The following ZNF442 variants were observed in gnomAD, a reference collection of about 807,000 sequenced individuals.
The protein encoded by ZNF442 is zinc finger protein 442.
A neutral mutation model predicts 57.0 loss-of-function variants in ZNF442; 45 were observed. That is an observed-to-expected ratio of 0.79 (90% CI 0.62 to 1.01). The LOEUF (loss-of-function observed/expected upper bound fraction) is 1.01. Among genes scored for constraint, ZNF442 ranks in the 50% least tolerant of loss-of-function variants. The pLI is 0.00. For synonymous variants in ZNF442, 213 were observed against 241.8 expected (o/e 0.88, Z 1.10); for missense variants, 690 against 756.5 (o/e 0.91, Z 1.03).
upstream of ZNF442, chr19:12,366,021 G>A (rs1402402726): frequency 6.6e-6 from 1 of 152,284 alleles, no homozygotes; most frequent in Non-Finnish European, 1.5e-5. Flanking sequence ...GCCATCCCCT[G>A]GCCTCAGAGC....
chr19:12,362,065 C>T (rs1054338032), intron 3 of ZNF442, among the ~76,000 whole-genome samples: 1 of 152,184 alleles, frequency 6.6e-6, no homozygotes, highest in Non-Finnish European at 1.5e-5. Flanking sequence ...GATCTCGGCT[C>T]GCTACAACCT....
chr19:12,361,656 C>T (rs1260368956), intron 3 of ZNF442, among the ~76,000 whole-genome samples: 1 of 151,548 alleles, frequency 6.6e-6, no homozygotes, highest in African/African-American at 2.4e-5. Flanking sequence ...TTTGTTTCTA[C>T]AAAAATTGGA....
chr19:12,373,261 C>T, the ZNF442 span, among the ~76,000 whole-genome samples: 20 of 152,160 alleles, frequency 1.3e-4, no homozygotes, highest in South Asian at 8.3e-4. Context: ...CTAGGCTGGA[C>T]GCAGTGAGTG....
the ZNF442 span, chr19:12,373,561 G>A: frequency 6.1e-6 from 1 of 164,454 alleles, no homozygotes; most frequent in Non-Finnish European, 1.4e-5. Flanking sequence ...AAGAAAGAAA[G>A]GCTTTTACCT....
rs967925303 is a variant in ZNF442 at position 12,348,348 on chromosome 19, G to GATAA, written c.*1349_*1352dup. 1 of 151,644 alleles carries GATAA rather than the reference G, an allele frequency of 6.6e-6. No homozygotes were observed. Among genetic ancestry groups the GATAA allele is most frequent in the African/African-American group, 2.4e-5 (1 of 41,262 alleles). The allele number at this position is 151,644 out of a possible 1,614,324, so 9.4% of individuals were successfully genotyped here. On this transcript the variant is annotated 3_prime_UTR_variant, in exon 6 of 6. Coordinates refer to ENST00000242804, the MANE Select transcript of ZNF442 (RefSeq NM_030824.3). ...ATAAGAACGAAACTCAGTCTCAAATGATAAATAAATAAATAAAAATAAAAA... is the reference window on the plus strand; with the variant it reads ...ATAAGAACGAAACTCAGTCTCAAATGATAAATAAATAAATAAATAAAAATAAAAA...
At position 12,349,544 on chromosome 19, in the gene ZNF442, G is replaced by T; in HGVS notation, c.*157C>A. 1 of 698,242 alleles carries T rather than the reference G, an allele frequency of 1.4e-6. No individual in the cohort carries two copies. Among genetic ancestry groups the T allele is most frequent in the East Asian group, 2.8e-5 (1 of 35,834 alleles). 43.3% of individuals were successfully genotyped at this position (698,242 alleles called of 1,614,324 possible). On this transcript the variant is annotated 3_prime_UTR_variant, in exon 6 of 6. Coordinates refer to ENST00000242804, the MANE Select transcript of ZNF442 (RefSeq NM_030824.3). ...CTGTGGATTTAGGTATGCTTAGGGG[G>T]TCTGGAACCAATCCCCTGCATATGG...
chr19:12,370,395 T>A (rs1288615543), upstream of ZNF442, among the ~76,000 whole-genome samples: 1 of 151,938 alleles, frequency 6.6e-6, no homozygotes, highest in African/African-American at 2.4e-5. Flanking sequence ...TGGCTGTAAA[T>A]ACAGGTAAAG....
At chr19:12,369,123 AG>A (rs1308003865), upstream of ZNF442, among the ~76,000 whole-genome samples, 1 of 152,012 alleles carries the variant, frequency 6.6e-6, no homozygotes, top group Admixed American at 6.6e-5. Context: ...CAAAAAAAAA[AG>A]GCAAGCAGGA....
chr19:12,354,991 C>T (rs1292093100), intron 3 of ZNF442, among the ~76,000 whole-genome samples: 3 of 151,868 alleles, frequency 2.0e-5, no homozygotes, highest in East Asian at 1.9e-4. Context: ...AAAAAAAATA[C>T]GTATTAAAGA....
chr19:12,370,256 A>T (rs1229365494), upstream of ZNF442, among the ~76,000 whole-genome samples: 2 of 151,486 alleles, frequency 1.3e-5, no homozygotes, highest in Non-Finnish European at 2.9e-5. Context: ...CCAGAATCTC[A>T]TAAGGTGCAT....
At position 12,363,545 on chromosome 19, in the gene ZNF442, A is replaced by G. The variant is rs2144845414; in HGVS notation, c.78+9T>C. Reference sequence around the variant, plus strand: ...CACAACTGGAATGAGTGGGTTCTCCAGTGCTTACATATTGTTTTCTCTCTT... The same window carrying G: ...CACAACTGGAATGAGTGGGTTCTCCGGTGCTTACATATTGTTTTCTCTCTT... On this transcript the variant is annotated intron_variant, in intron 3 of 5. Transcript: ENST00000242804. 2 of 1,613,828 alleles carry G rather than the reference A, an allele frequency of 1.2e-6. No individual in the cohort carries two copies. Among genetic ancestry groups the G allele is most frequent in the East Asian group, 2.2e-5 (1 of 44,864 alleles).
At chr19:12,354,566 ATT>A (rs960009182) in intron 3 of ZNF442, among the ~76,000 whole-genome samples, 3 of 146,438 alleles carry the variant, frequency 2.0e-5, no homozygotes, top group Non-Finnish European at 1.5e-5. Flanking sequence ...CAGATAAAGA[ATT>A]TTTTTTTTTT....
chr19:12,352,102 A>C (rs1478916408), intron 4 of ZNF442, 32 bp from the exon 5 acceptor site: 1 of 1,591,756 alleles, frequency 6.3e-7, no homozygotes, highest in Non-Finnish European at 8.6e-7. Context: ...AACACTGTAG[A>C]TTATTATAAA....
the ZNF442 span, among the ~76,000 whole-genome samples, chr19:12,372,777 A>C: frequency 3.9e-5 from 6 of 152,034 alleles, no homozygotes; most frequent in East Asian, 9.7e-4. Flanking sequence ...TTTGGATGTG[A>C]GTTTTCTTTT....
the ZNF442 span, among the ~76,000 whole-genome samples, chr19:12,371,915 G>A: frequency 6.6e-6 from 1 of 152,094 alleles, no homozygotes. Context: ...GACAACAAAA[G>A]CAATTGCAAC....
chr19:12,364,791 T>C lies in ZNF442; in HGVS notation c.-41+11A>G, dbSNP rs1035535273. 7 of 152,118 alleles carry C rather than the reference T, an allele frequency of 4.6e-5. No individual in the cohort carries two copies. The highest frequency in any genetic ancestry group is 8.8e-5 in the Non-Finnish European group (6 of 68,070). The allele number at this position is 152,118 out of a possible 1,614,324, so 9.4% of individuals were successfully genotyped here. A position where few individuals can be genotyped will look rare whatever the true frequency, so the allele number is the denominator to read the frequency against. On this transcript the variant is annotated intron_variant, in intron 2 of 5. Transcript: ENST00000242804. The stretch of plus-strand genomic sequence containing the variant: ...CTGGATTCTGATTGCAGTTAGATAT[T>C]AACCAGGTACCCTGAGCCCCACTGC...
At chr19:12,357,023 A>G (rs576459048) in intron 3 of ZNF442, among the ~76,000 whole-genome samples, 2 of 152,246 alleles carry the variant, frequency 1.3e-5, no homozygotes, top group Admixed American at 6.5e-5. Flanking sequence ...CTCAAGTCCC[A>G]TGAACAGTGA....
Position 12,349,095 on chromosome 19 carries a change from G to A in ZNF442, c.*606C>T, listed in dbSNP as rs1157027304. Reference sequence around the variant, plus strand: ...ATGCATCTGTAATCCCAGCTACTCAGGAGGCTAAGACAGGAGAATTGCTTG... The same window carrying A: ...ATGCATCTGTAATCCCAGCTACTCAAGAGGCTAAGACAGGAGAATTGCTTG... On this transcript the variant is annotated 3_prime_UTR_variant, in exon 6 of 6. Transcript: ENST00000242804. 6.7e-6 allele frequency: 1 copy of A among 150,358 alleles called. No individual in the cohort carries two copies. Among genetic ancestry groups the A allele is most frequent in the Admixed American group, 6.6e-5 (1 of 15,126 alleles). 9.3% of individuals were successfully genotyped at this position (150,358 alleles called of 1,614,324 possible).
Position 12,365,542 on chromosome 19 carries a change from G to C in ZNF442, c.-492C>G. 1 of 562,510 alleles carries C rather than the reference G, an allele frequency of 1.8e-6. No individual in the cohort carries two copies. Among genetic ancestry groups the C allele is most frequent in the Non-Finnish European group, 3.2e-6 (1 of 316,346 alleles). 34.8% of individuals were successfully genotyped at this position (562,510 alleles called of 1,614,324 possible). A position where few individuals can be genotyped will look rare whatever the true frequency, so the allele number is the denominator to read the frequency against. On this transcript the variant is annotated 5_prime_UTR_variant, in exon 1 of 6. Coordinates refer to ENST00000242804, the MANE Select transcript of ZNF442 (RefSeq NM_030824.3). ...GGCCCCGCACACTCACCATTTCCCG[G>C]CTTCCGCGGTGTCCCGTGTTCTCCC...
Sources: allele counts gnomAD v4.1 joint callset (sites outside exome capture counted in the v4.1 genomes callset), GRCh38; gene constraint gnomAD v4.1.1; transcripts MANE v1.5; gene names NCBI Gene and HGNC (gene_info 2026-07-23, HGNC 2026-07-21).